TAB3: variants seen among roughly 807,000 people sequenced by gnomAD.
TAB3 encodes the protein TGF-beta-activated kinase 1 and MAP3K7-binding protein 3.
In TAB3, 18 loss-of-function variants were observed where a neutral mutation model predicts 48.1. The observed-to-expected ratio is 0.37, with a 90% CI of 0.26 to 0.55. The LOEUF is 0.55. Ranked by LOEUF, TAB3 falls within the 20% of genes least tolerant of loss-of-function variation. The pLI is 0.78. For missense variants in TAB3, 414 were observed against 549.8 expected (o/e 0.75, Z 2.47); for synonymous variants, 185 against 190.2 (o/e 0.97, Z 0.22).
intron 1 of TAB3, among the ~76,000 whole-genome samples, chrX:30,874,182 TAACAAC>T (rs1020665830): frequency 9.0e-6 from 1 of 111,054 alleles, no homozygotes; most frequent in Non-Finnish European, 1.9e-5. Context: ...AAAACAACAA[TAACAAC>T]AACAACAACA....
chrX:30,856,417 A>G (rs770491565), intron 5 of TAB3, among the ~76,000 whole-genome samples: 65 of 112,116 alleles, frequency 5.8e-4, no homozygotes, highest in African/African-American at 2.0e-3. Flanking sequence ...TGAAGTTCCA[A>G]CTGACAGTAA....
intron 2 of TAB3, among the ~76,000 whole-genome samples, chrX:30,869,997 G>A (rs1939618977): frequency 8.9e-6 from 1 of 112,443 alleles, no homozygotes; most frequent in South Asian, 3.7e-4. Context: ...TTGAGAAATA[G>A]TGACTTCAAA....
Position 30,842,986 on chromosome X carries a change from G to A in TAB3, c.1868C>T (p.Pro623Leu). Residue 623 changes from proline (P) to leucine (L), a missense_variant, in exon 9 of 11, where the codon CCA becomes CTA. By Grantham distance (98) the Pro-to-Leu change is moderately conservative. Transcript: ENST00000288422. ...YDNIEPGPVV[P>L]PKPSKKDSSD... ...CTCACCTTTTTTAGATGGCTTGGGT[G>A]GTACAACTGGGCCAGGTTCTATGTT... 8.5e-7 allele frequency: 1 copy of A among 1,178,538 alleles called. No individual in the cohort carries two copies. Among genetic ancestry groups the A allele is most frequent in the East Asian group, 3.0e-5 (1 of 32,946 alleles).
intron 9 of TAB3, among the ~76,000 whole-genome samples, chrX:30,840,683 C>G (rs1938406776): frequency 9.0e-6 from 1 of 111,084 alleles, no homozygotes; most frequent in South Asian, 3.9e-4. Context: ...GTGACCTGCT[C>G]CTCCTTGCCT....
At chrX:30,851,207 A>G (rs940505426) in intron 7 of TAB3, among the ~76,000 whole-genome samples, 10 of 112,262 alleles carry the variant, frequency 8.9e-5, no homozygotes, top group African/African-American at 2.6e-4. Flanking sequence ...ATTACAAAAA[A>G]GTCACTAAAT....
intron 1 of TAB3, among the ~76,000 whole-genome samples, chrX:30,887,799 GT>G (rs1940173078): frequency 8.9e-6 from 1 of 112,403 alleles, no homozygotes; most frequent in South Asian, 3.7e-4. Context: ...AAAATTCAGG[GT>G]GACTGAATGC....
At position 30,855,566 on chromosome X, in the gene TAB3, G is replaced by A. The variant is rs1267144607; in HGVS notation, c.103-4C>T. On this transcript the variant is annotated splice_polypyrimidine_tract_variant and splice_region_variant and intron_variant, in intron 5 of 10. Coordinates refer to ENST00000288422, the MANE Select transcript of TAB3 (RefSeq NM_152787.5). ...AGGCTTCAAGATTGTTGTTATTCTAGGGGAGAAAAATGGTAAAAGTAACAT... is the reference window on the plus strand; with the variant it reads ...AGGCTTCAAGATTGTTGTTATTCTAAGGGAGAAAAATGGTAAAAGTAACAT... 2.6e-6 allele frequency: 3 copies of A among 1,170,254 alleles called. No individual in the cohort carries two copies. Among genetic ancestry groups the A allele is most frequent in the Admixed American group, 2.5e-5 (1 of 39,274 alleles).
At chrX:30,869,363 T>C (rs1939602350) in intron 2 of TAB3, among the ~76,000 whole-genome samples, 2 of 111,638 alleles carry the variant, frequency 1.8e-5, no homozygotes, top group Non-Finnish European at 3.8e-5. Context: ...CCCAGCCTTT[T>C]GTTTGTTTTT....
At chrX:30,874,184 A>G (rs1207059792) in intron 1 of TAB3, among the ~76,000 whole-genome samples, 2 of 111,274 alleles carry the variant, frequency 1.8e-5, no homozygotes, top group African/African-American at 6.5e-5. Flanking sequence ...AACAACAATA[A>G]CAACAACAAC....
At chrX:30,846,107 T>C (rs1477871430) in intron 8 of TAB3, 2 of 905,439 alleles carry the variant, frequency 2.2e-6, no homozygotes, top group Non-Finnish European at 2.8e-6. Context: ...ACTATGATTA[T>C]AGTTGAATGT....
chrX:30,860,686 A>C (rs962216236), intron 4 of TAB3, among the ~76,000 whole-genome samples: 8 of 112,050 alleles, frequency 7.1e-5, no homozygotes, highest in African/African-American at 2.6e-4. Context: ...TAAAAAAGAG[A>C]GAGCCATGAC....
chrX:30,847,329 A>G lies in TAB3; in HGVS notation c.1711-685T>C, dbSNP rs752409977. Among the ~76,000 whole-genome samples, 385 of 109,705 alleles carry G rather than the reference A, an allele frequency of 3.5e-3. 5 individuals are homozygous for G. Among genetic ancestry groups the G allele is most frequent in the African/African-American group, 0.012 (364 of 30,243 alleles). On this transcript the variant is annotated intron_variant, in intron 7 of 10. Coordinates refer to ENST00000288422, the MANE Select transcript of TAB3 (RefSeq NM_152787.5). ...AACAAATGAATTCCATTTGTTCCCC[A>G]ACTTTGTTTTCTTCTGCCTCTACCT...
rs759019302 is a variant in TAB3 at position 30,857,465 on chromosome X, G to T, written c.103-1903C>A. ...TTTTTTTTTATAGACCTATGGATTA[G>T]GGGAAAACAAAAACTAGAGAGTTTC... is the stretch of plus-strand genomic sequence containing the variant. On this transcript the variant is annotated intron_variant, in intron 5 of 10. Coordinates refer to ENST00000288422, the MANE Select transcript of TAB3 (RefSeq NM_152787.5). 7.2e-5 allele frequency among the ~76,000 whole-genome samples: 8 copies of T among 110,628 alleles called. No homozygotes were observed. In the East Asian group the frequency reaches 2.3e-3, roughly 31 times the overall value.
At chrX:30,847,906 A>G (rs1243844086) in intron 7 of TAB3, among the ~76,000 whole-genome samples, 1 of 112,389 alleles carries the variant, frequency 8.9e-6, no homozygotes, top group Non-Finnish European at 1.9e-5. Context: ...GTTTAGAAAT[A>G]TTTATTATGG....
chrX:30,838,987 CTT>C (rs1419515617), intron 9 of TAB3, among the ~76,000 whole-genome samples: 1 of 104,419 alleles, frequency 9.6e-6, no homozygotes. Flanking sequence ...AATATTTATG[CTT>C]TTTTTTTTTC....
chrX:30,864,838 G>A (rs1160180092), intron 4 of TAB3, among the ~76,000 whole-genome samples: 1 of 110,475 alleles, frequency 9.1e-6, no homozygotes, highest in African/African-American at 3.3e-5. Flanking sequence ...TTTAAAACTG[G>A]GAGACATCAC....
At chrX:30,883,880 T>C (rs918936082) in intron 1 of TAB3, among the ~76,000 whole-genome samples, 2 of 111,639 alleles carry the variant, frequency 1.8e-5, no homozygotes, top group African/African-American at 6.5e-5. Flanking sequence ...GTCTTACCAA[T>C]GGATCATTTA....
At chrX:30,833,412 A>G (rs1024283075) in intron 10 of TAB3, among the ~76,000 whole-genome samples, 15 of 112,220 alleles carry the variant, frequency 1.3e-4, no homozygotes, top group South Asian at 7.4e-4. Context: ...CAATGTTGCT[A>G]TAAGTGTAAA....
At position 30,859,665 on chromosome X, in the gene TAB3, A is replaced by G. The variant is rs1939193852; in HGVS notation, c.-77T>C. On this transcript the variant is annotated 5_prime_UTR_variant, in exon 5 of 11. Coordinates refer to ENST00000288422, the MANE Select transcript of TAB3 (RefSeq NM_152787.5). ...TTTCCAAAAGTAATGATCTTCTAGC[A>G]CCACAGTCATTTTCTATTTAAAAAA... The G allele has an allele frequency of 6.6e-6, 4 of 607,906 alleles. No individual in the cohort carries two copies. Among genetic ancestry groups the G allele is most frequent in the Admixed American group, 3.7e-5 (1 of 26,773 alleles). The allele number at this position is 607,906 out of a possible 1,213,427, so 50.1% of individuals were successfully genotyped here.
Sources: gnomAD v4.1 joint callset for allele counts (sites outside exome capture counted in the v4.1 genomes callset) on GRCh38, gnomAD v4.1.1 for gene constraint, MANE v1.5 for transcripts, NCBI Gene and HGNC (gene_info 2026-07-23, HGNC 2026-07-21) for gene names.